The following LRPAP1 variants were observed in gnomAD, a reference collection of about 807,000 sequenced individuals.
The protein encoded by LRPAP1 is alpha-2-macroglobulin receptor-associated protein.
A neutral mutation model predicts 39.9 loss-of-function variants in LRPAP1; 41 were observed. The ratio of observed to expected loss-of-function variants is 1.03; its 90% CI spans 0.80 to 1.33. The LOEUF is 1.33. LRPAP1 is among the 40% of genes most tolerant of loss of function. The probability of loss-of-function intolerance (pLI) is 0.00; values close to 1 mark genes in which losing one functional copy is unlikely to be tolerated. For missense variants in LRPAP1, 565 were observed against 482.3 expected (o/e 1.17, Z -1.61); for synonymous variants, 263 against 212.7 (o/e 1.24, Z -2.06).
chr4:3,530,058 C>G (rs1187039137), intron 1 of LRPAP1, among the ~76,000 whole-genome samples: 3 of 152,176 alleles, frequency 2.0e-5, no homozygotes, highest in Admixed American at 2.0e-4. Flanking sequence ...TGATACCTAC[C>G]TAGAGCGGCG....
intron 2 of LRPAP1, among the ~76,000 whole-genome samples, chr4:3,524,390 C>A (rs1164733883): frequency 6.6e-6 from 1 of 152,234 alleles, no homozygotes; most frequent in Non-Finnish European, 1.5e-5. Flanking sequence ...GTCCCCAAAA[C>A]TTCAAGATGC....
chr4:3,524,777 G>C, intron 2 of LRPAP1, 130 bp downstream of exon 2: 1 of 1,059,254 alleles, frequency 9.4e-7, no homozygotes, highest in Non-Finnish European at 1.4e-6. Flanking sequence ...GGCTCATTTT[G>C]GATATCCAGA....
intron 1 of LRPAP1, among the ~76,000 whole-genome samples, chr4:3,527,158 A>G (rs1303287240): frequency 6.6e-6 from 1 of 152,014 alleles, no homozygotes; most frequent in African/African-American, 2.4e-5. Context: ...TCCCAACCTG[A>G]AAACCCTTTC....
Position 3,516,143 on chromosome 4 carries a change from G to A in LRPAP1, c.807C>T (p.Leu269=). 2.5e-6 allele frequency: 4 copies of A among 1,581,874 alleles called. No individual in the cohort carries two copies. Among genetic ancestry groups the A allele is most frequent in the Non-Finnish European group, 3.4e-6 (4 of 1,164,272 alleles). ...DLWDLAQSAN[L]TDKELEAFRE... ...GGAACGCCTCCAGCTCCTTGTCCGTGAGGTTGGCGGACTGCGCCAGGTCCC... is the reference window on the plus strand; with the variant it reads ...GGAACGCCTCCAGCTCCTTGTCCGTAAGGTTGGCGGACTGCGCCAGGTCCC... The change falls in exon 6 of 8, where the codon CTC becomes CTT. Residue 269 remains leucine, a synonymous_variant. Coordinates refer to ENST00000650182, the MANE Select transcript of LRPAP1 (RefSeq NM_002337.4).
chr4:3,527,551 G>A (rs1271287888), intron 1 of LRPAP1, among the ~76,000 whole-genome samples: 4 of 152,222 alleles, frequency 2.6e-5, no homozygotes, highest in Admixed American at 1.3e-4. Flanking sequence ...TTACCGTGCT[G>A]CACTGCCCGG....
chr4:3,516,291 A>C, intron 5 of LRPAP1, 93 bp from the exon 6 acceptor site: 1 of 1,000,426 alleles, frequency 1.0e-6, no homozygotes, highest in Non-Finnish European at 1.5e-6. Flanking sequence ...CGTGGAGCCT[A>C]TGAGGGTTTG....
intron 1 of LRPAP1, among the ~76,000 whole-genome samples, chr4:3,527,220 C>T (rs1230101279): frequency 6.6e-6 from 1 of 151,840 alleles, no homozygotes; most frequent in African/African-American, 2.4e-5. Context: ...CCAGCCAGCC[C>T]CATCCACCCA....
intron 1 of LRPAP1, among the ~76,000 whole-genome samples, chr4:3,531,214 G>A (rs1448547499): frequency 6.6e-6 from 1 of 152,112 alleles, no homozygotes; most frequent in African/African-American, 2.4e-5. Context: ...AGGGCCTGTG[G>A]AGCTGATGCC....
At chr4:3,526,365 T>C (rs1033552485) in intron 1 of LRPAP1, among the ~76,000 whole-genome samples, 2 of 152,230 alleles carry the variant, frequency 1.3e-5, no homozygotes, top group East Asian at 3.8e-4. Context: ...TCATGTGTGT[T>C]TAAATATGGA....
chr4:3,518,552 G>A (rs1729802671), intron 4 of LRPAP1, among the ~76,000 whole-genome samples: 1 of 152,146 alleles, frequency 6.6e-6, no homozygotes, highest in East Asian at 1.9e-4. Flanking sequence ...GGAGGGTCAC[G>A]AGTCCAGAAT....
intron 2 of LRPAP1, 85 bp downstream of exon 2, chr4:3,524,822 C>T: frequency 6.6e-7 from 1 of 1,507,392 alleles, no homozygotes; most frequent in Non-Finnish European, 9.2e-7. Context: ...AATCCAAAAA[C>T]AAAATCCGAC....
At chr4:3,515,965 C>T (rs764521376) in intron 6 of LRPAP1, 151 bp downstream of exon 6, 21 of 742,302 alleles carry the variant, frequency 2.8e-5, no homozygotes, top group East Asian at 1.1e-4. Flanking sequence ...AGAAGGAAAA[C>T]GCAAGCAGGT....
Position 3,516,207 on chromosome 4 carries a change from G to C in LRPAP1, c.752-9C>G, listed in dbSNP as rs1214003006. The C allele has an allele frequency of 1.3e-6, 2 of 1,561,076 alleles. No homozygotes were observed. The highest frequency in any genetic ancestry group is 2.4e-5 in the South Asian group (2 of 84,816). ...CCTGGGCTCCTCGAACTCTGCAGGG[G>C]AGGAGCAAGAGTGGCCTCAGCAGCA... On this transcript the variant is annotated splice_polypyrimidine_tract_variant and intron_variant, in intron 5 of 7. Transcript: ENST00000650182.
rs1018830658 is a variant in LRPAP1 at position 3,504,829 on chromosome 4, C to T, written c.*8145G>A. Reference sequence around the variant, plus strand: ...GGGTATGGTGGCAGGTGCCCATAATCCCAGCTACTTGGGAGGCTGAGGCAG... The same window carrying T: ...GGGTATGGTGGCAGGTGCCCATAATTCCAGCTACTTGGGAGGCTGAGGCAG... On this transcript the variant is annotated 3_prime_UTR_variant, in exon 8 of 8. Transcript: ENST00000650182. Among the ~76,000 whole-genome samples, 5 of 151,862 alleles carry T rather than the reference C, an allele frequency of 3.3e-5. No individual in the cohort carries two copies. The highest frequency in any genetic ancestry group is 7.4e-5 in the Non-Finnish European group (5 of 67,976).
chr4:3,525,206 GT>G, intron 1 of LRPAP1, 155 bp from the exon 2 acceptor site: 1 of 768,410 alleles, frequency 1.3e-6, no homozygotes, highest in Non-Finnish European at 2.2e-6. Flanking sequence ...AACCCCACAG[GT>G]TTAGACAAGA....
At chr4:3,530,284 C>T (rs1730209626) in intron 1 of LRPAP1, among the ~76,000 whole-genome samples, 1 of 152,134 alleles carries the variant, frequency 6.6e-6, no homozygotes, top group African/African-American at 2.4e-5. Context: ...GCACACTTGG[C>T]TCCAGGATAG....
In LRPAP1 at chr4:3,532,061, G is replaced by C. The variant is rs1730270905; in HGVS notation, c.204+148C>G. 18 of 871,616 alleles carry C rather than the reference G, an allele frequency of 2.1e-5. No homozygotes were observed. The East Asian group carries it at 4.2e-4, about 21-fold the overall frequency. The allele number at this position is 871,616 out of a possible 1,614,324, so 54.0% of individuals were successfully genotyped here. A position where few individuals can be genotyped will look rare whatever the true frequency, so the allele number is the denominator to read the frequency against. On this transcript the variant is annotated intron_variant, in intron 1 of 7. Coordinates refer to ENST00000650182, the MANE Select transcript of LRPAP1 (RefSeq NM_002337.4). Reference sequence around the variant, plus strand: ...GTCGGGGCGCCCCACCTGACACTTGGGGGAGGCTGTGCCAAGGACAGGGCG... The same window carrying C: ...GTCGGGGCGCCCCACCTGACACTTGCGGGAGGCTGTGCCAAGGACAGGGCG...
intron 3 of LRPAP1, among the ~76,000 whole-genome samples, chr4:3,519,408 A>T (rs1729839787): frequency 6.6e-6 from 1 of 152,192 alleles, no homozygotes; most frequent in Non-Finnish European, 1.5e-5. Flanking sequence ...CGTGGCTCAC[A>T]CACGTCCAGG....
rs1352679509 is a variant in LRPAP1 at position 3,507,932 on chromosome 4, G to A, written c.*5042C>T. The A allele has an allele frequency of 1.3e-5, 2 of 152,226 alleles. No individual in the cohort carries two copies. Among genetic ancestry groups the A allele is most frequent in the Non-Finnish European group, 2.9e-5 (2 of 68,048 alleles). 9.4% of individuals were successfully genotyped at this position (152,226 alleles called of 1,614,324 possible). On this transcript the variant is annotated 3_prime_UTR_variant, in exon 8 of 8. Transcript: ENST00000650182. ...GTGAATGATTTATGTAAATTGTTTT[G>A]ATAACTTAGATGAAATTCTGCGACA...
Sources: allele counts gnomAD v4.1 joint callset (sites outside exome capture counted in the v4.1 genomes callset), GRCh38; gene constraint gnomAD v4.1.1; transcripts MANE v1.5; gene names NCBI Gene and HGNC (gene_info 2026-07-23, HGNC 2026-07-21).